ENAH: variants seen among roughly 807,000 people sequenced by gnomAD.
ENAH encodes the protein ENAH actin regulator.
In ENAH, 23 loss-of-function variants were observed where a neutral mutation model predicts 78.7. The ratio of observed to expected loss-of-function variants is 0.29; its 90% CI spans 0.21 to 0.41. The LOEUF is 0.41. Ranked by LOEUF, ENAH falls within the 10% of genes least tolerant of loss-of-function variation. The probability of loss-of-function intolerance (pLI) is 1.00; values close to 1 mark genes in which losing one functional copy is unlikely to be tolerated. For synonymous variants in ENAH, 226 were observed against 241.0 expected (o/e 0.94, Z 0.58); for missense variants, 544 against 691.0 (o/e 0.79, Z 2.39).
chr1:225,536,253 A>G (rs954130741), intron 3 of ENAH, among the ~76,000 whole-genome samples: 1 of 152,092 alleles, frequency 6.6e-6, no homozygotes, highest in African/African-American at 2.4e-5. Context: ...TTTACATTAA[A>G]TTTTAGCTTA....
At chr1:225,520,159 G>A (rs1190196935) in intron 4 of ENAH, among the ~76,000 whole-genome samples, 3 of 152,098 alleles carry the variant, frequency 2.0e-5, no homozygotes, top group Non-Finnish European at 4.4e-5. Context: ...GCCGGGCATG[G>A]TAGCGTGCGC....
intron 1 of ENAH, among the ~76,000 whole-genome samples, chr1:225,596,172 C>G (rs949848608): frequency 6.6e-6 from 1 of 152,192 alleles, no homozygotes; most frequent in Non-Finnish European, 1.5e-5. Flanking sequence ...CTTTAATACT[C>G]TACCCTGGAA....
intron 1 of ENAH, among the ~76,000 whole-genome samples, chr1:225,568,309 T>C (rs1325006044): frequency 6.6e-6 from 1 of 152,136 alleles, no homozygotes; most frequent in Non-Finnish European, 1.5e-5. Context: ...GGTGGGAGAA[T>C]AACCTGAGGC....
At chr1:225,573,083 T>C (rs2096771403) in intron 1 of ENAH, among the ~76,000 whole-genome samples, 1 of 152,220 alleles carries the variant, frequency 6.6e-6, no homozygotes, top group African/African-American at 2.4e-5. Flanking sequence ...CAGGTACCAG[T>C]GAATGAAGCG....
At chr1:225,515,152 A>G (rs2096407828) in intron 6 of ENAH, 1 of 440,320 alleles carries the variant, frequency 2.3e-6, no homozygotes, top group African/African-American at 2.1e-5. Flanking sequence ...TCATCTAATT[A>G]AGACTTTTTT....
intron 1 of ENAH, among the ~76,000 whole-genome samples, chr1:225,579,326 GA>G (rs1243318100): frequency 6.6e-6 from 1 of 152,154 alleles, no homozygotes; most frequent in Non-Finnish European, 1.5e-5. Flanking sequence ...TAAGAGGAAA[GA>G]ATTTATTTGC....
chr1:225,589,792 T>C (rs1294102158), intron 1 of ENAH, among the ~76,000 whole-genome samples: 3 of 152,280 alleles, frequency 2.0e-5, no homozygotes, highest in Non-Finnish European at 4.4e-5. Context: ...ATTGTGGGTA[T>C]ACATATGTTA....
intron 1 of ENAH, among the ~76,000 whole-genome samples, chr1:225,650,870 A>AAC (rs1662855679): frequency 6.7e-6 from 1 of 150,352 alleles, no homozygotes; most frequent in Admixed American, 6.6e-5. Context: ...AAAAAAAAAA[A>AAC]AAAAAAAACT....
Position 225,644,645 on chromosome 1 carries a change from C to T in ENAH, c.5+8041G>A, listed in dbSNP as rs117456045. Among the ~76,000 whole-genome samples the T allele has an allele frequency of 3.9e-5, 6 of 152,218 alleles. No homozygotes were observed. In the East Asian group the frequency reaches 9.6e-4, roughly 24 times the overall value. On this transcript the variant is annotated intron_variant, in intron 1 of 13. Coordinates refer to ENST00000366843, the MANE Select transcript of ENAH (RefSeq NM_018212.6). ...TAAGTTCTTGGTTCTTCATAAAGCT[C>T]CCCCGCTGCCAAGTTGCAAATGTAA...
chr1:225,603,236 A>T (rs1575683549), intron 1 of ENAH, among the ~76,000 whole-genome samples: 1 of 152,134 alleles, frequency 6.6e-6, no homozygotes, highest in East Asian at 1.9e-4. Context: ...CTAAGTAAAA[A>T]TAAATAATTA....
At chr1:225,540,087 AG>A (rs1575458005) in intron 3 of ENAH, among the ~76,000 whole-genome samples, 3 of 152,306 alleles carry the variant, frequency 2.0e-5, no homozygotes, top group Admixed American at 2.0e-4. Context: ...TCGGGAGAAA[AG>A]TTTTAGAATG....
chr1:225,515,955 A>G (rs1205186132), intron 6 of ENAH, among the ~76,000 whole-genome samples: 2 of 152,234 alleles, frequency 1.3e-5, no homozygotes, highest in East Asian at 3.8e-4. Context: ...TTTTAAGCAA[A>G]TTTGTAAGTC....
At chr1:225,583,430 T>C (rs1332893173) in intron 1 of ENAH, among the ~76,000 whole-genome samples, 3 of 49,434 alleles carry the variant, frequency 6.1e-5, no homozygotes, top group African/African-American at 8.0e-5. Context: ...GAAGACCCTG[T>C]ATCAAAAAAA....
intron 1 of ENAH, among the ~76,000 whole-genome samples, chr1:225,608,074 T>C (rs1054210626): frequency 5.3e-5 from 8 of 151,402 alleles, no homozygotes; most frequent in Non-Finnish European, 1.2e-4. Flanking sequence ...AACAGAATCA[T>C]AATATCCTCA....
At chr1:225,625,403 T>C (rs945744768) in intron 1 of ENAH, among the ~76,000 whole-genome samples, 1 of 152,210 alleles carries the variant, frequency 6.6e-6, no homozygotes, top group African/African-American at 2.4e-5. Flanking sequence ...TCTTAAGACA[T>C]AGTTGAACTC....
At chr1:225,511,991 C>A in intron 9 of ENAH, 132 bp from the exon 10 acceptor site, 1 of 547,648 alleles carries the variant, frequency 1.8e-6, no homozygotes, top group South Asian at 3.3e-5. Flanking sequence ...TCTTCTCTCC[C>A]TTTCATTTCA....
intron 1 of ENAH, among the ~76,000 whole-genome samples, chr1:225,626,740 T>C (rs1658015740): frequency 6.6e-6 from 1 of 152,284 alleles, no homozygotes. Context: ...CTTCCATCTT[T>C]ATCTCAACTG....
intron 3 of ENAH, among the ~76,000 whole-genome samples, chr1:225,537,057 T>C (rs1433807249): frequency 1.3e-5 from 2 of 152,066 alleles, no homozygotes; most frequent in East Asian, 1.9e-4. Flanking sequence ...GCTACTTCTA[T>C]AAAACCTTTA....
chr1:225,519,004 A>C, intron 5 of ENAH, 194 bp downstream of exon 5: 1 of 885,378 alleles, frequency 1.1e-6, no homozygotes, highest in African/African-American at 1.7e-5. Flanking sequence ...TTAAGTCTCC[A>C]AGCAATAAAA....
Sources: allele counts gnomAD v4.1 joint callset (sites outside exome capture counted in the v4.1 genomes callset), GRCh38; gene constraint gnomAD v4.1.1; transcripts MANE v1.5; gene names NCBI Gene and HGNC (gene_info 2026-07-23, HGNC 2026-07-21).